Variants in JAZF1 observed in about 807,000 individuals in gnomAD.
JAZF1 encodes JAZF zinc finger 1.
JAZF1 carries 8 observed loss-of-function variants against 26.4 expected under a neutral mutation model. The ratio of observed to expected loss-of-function variants is 0.30; its 90% CI spans 0.18 to 0.55. The LOEUF is 0.55. Among genes scored for constraint, JAZF1 ranks in the 20% least tolerant of loss-of-function variants. The pLI is 0.94. For synonymous variants in JAZF1, 126 were observed against 122.3 expected (o/e 1.03, Z -0.20); for missense variants, 199 against 322.0 (o/e 0.62, Z 2.92).
chr7:28,069,250 T>C (rs763977543), intron 1 of JAZF1, among the ~76,000 whole-genome samples: 2 of 152,232 alleles, frequency 1.3e-5, no homozygotes, highest in African/African-American at 2.4e-5. Flanking sequence ...CTCTCCAATT[T>C]AGTGAGAACT....
intron 3 of JAZF1, among the ~76,000 whole-genome samples, chr7:27,859,550 T>G (rs569715951): frequency 6.6e-6 from 1 of 152,106 alleles, no homozygotes. Flanking sequence ...TAAAATAGGA[T>G]GAGGTCATGT....
intron 1 of JAZF1, among the ~76,000 whole-genome samples, chr7:28,155,283 G>A (rs1783165259): frequency 6.6e-6 from 1 of 152,198 alleles, no homozygotes; most frequent in Non-Finnish European, 1.5e-5. Flanking sequence ...AATATGAGGA[G>A]AACTCATTTT....
At chr7:27,905,185 A>G (rs1049498646) in intron 2 of JAZF1, among the ~76,000 whole-genome samples, 4 of 152,112 alleles carry the variant, frequency 2.6e-5, no homozygotes, top group Admixed American at 2.0e-4. Flanking sequence ...GCTTGTCTCT[A>G]TCTCCTGGGC....
intron 2 of JAZF1, among the ~76,000 whole-genome samples, chr7:27,948,027 T>TG (rs1784945818): frequency 6.6e-6 from 1 of 152,028 alleles, no homozygotes; most frequent in Admixed American, 6.6e-5. Context: ...AAACAAGACG[T>TG]GGGGGCAAAG....
intron 3 of JAZF1, among the ~76,000 whole-genome samples, chr7:27,884,743 C>T (rs541950896): frequency 6.6e-6 from 1 of 152,298 alleles, no homozygotes; most frequent in African/African-American, 2.4e-5. Context: ...ACAGTTTACC[C>T]ATTTATCTGT....
chr7:28,170,348 TGTGTGTGTGTG>T (rs1783439416), intron 1 of JAZF1, among the ~76,000 whole-genome samples: 1 of 7,118 alleles, frequency 1.4e-4, no homozygotes, highest in Admixed American at 1.1e-3. Flanking sequence ...TGTGTGTGTG[TGTGTGTGTGTG>T]TGTGTGTGTG....
At chr7:28,061,350 A>G (rs193295881) in intron 1 of JAZF1, among the ~76,000 whole-genome samples, 1 of 152,364 alleles carries the variant, frequency 6.6e-6, no homozygotes, top group East Asian at 1.9e-4. Flanking sequence ...AATTTTATAT[A>G]AACATTTCTG....
chr7:27,855,668 A>C (rs1433164346), intron 3 of JAZF1, among the ~76,000 whole-genome samples: 2 of 152,220 alleles, frequency 1.3e-5, no homozygotes, highest in Non-Finnish European at 2.9e-5. Context: ...ACCAGGAAGA[A>C]GTCGAATCCC....
intron 4 of JAZF1, among the ~76,000 whole-genome samples, chr7:27,834,432 T>C (rs1782767132): frequency 6.6e-6 from 1 of 152,058 alleles, no homozygotes; most frequent in African/African-American, 2.4e-5. Context: ...ATGCTCAGAG[T>C]CTGAAGGTTG....
chr7:28,005,031 T>A (rs1409838331), intron 1 of JAZF1, among the ~76,000 whole-genome samples: 1 of 152,186 alleles, frequency 6.6e-6, no homozygotes, highest in Non-Finnish European at 1.5e-5. Flanking sequence ...AGTATTAAGC[T>A]TAGTAATTAT....
intron 2 of JAZF1, among the ~76,000 whole-genome samples, chr7:27,982,525 C>T (rs1785606470): frequency 6.6e-6 from 1 of 152,230 alleles, no homozygotes; most frequent in African/African-American, 2.4e-5. Context: ...ACTCTGGGGA[C>T]AGGGCATAGC....
At position 28,180,523 on chromosome 7, in the gene JAZF1, A is replaced by C; in HGVS notation, c.55T>G (p.Cys19Gly). 2 of 1,610,434 alleles carry C rather than the reference A, an allele frequency of 1.2e-6. No individual in the cohort carries two copies. Among genetic ancestry groups the C allele is most frequent in the Non-Finnish European group, 1.7e-6 (2 of 1,178,758 alleles). Residue 19 changes from cysteine (C) to glycine (G), a missense_variant, in exon 1 of 5, where the codon TGC becomes GGC. Cys to Gly is a radical substitution (Grantham distance 159). Coordinates refer to ENST00000283928, the MANE Select transcript of JAZF1 (RefSeq NM_175061.4). The part of the protein sequence containing the change: ...FFSNTCRFGG[C>G]GLHFPTLADL... The stretch of plus-strand genomic sequence containing the variant: ...GCCAGGGTGGGGAAGTGGAGTCCGC[A>C]GCCCCCGAATCGGCAGGTATTGGAG...
chr7:28,067,535 C>T (rs1343069979), intron 1 of JAZF1, among the ~76,000 whole-genome samples: 2 of 152,166 alleles, frequency 1.3e-5, no homozygotes, highest in Admixed American at 6.5e-5. Context: ...CAGGCTACAC[C>T]AGGCTTTAGG....
At chr7:28,079,153 C>T (rs1364092455) in intron 1 of JAZF1, among the ~76,000 whole-genome samples, 1 of 152,054 alleles carries the variant, frequency 6.6e-6, no homozygotes, top group Non-Finnish European at 1.5e-5. Context: ...CCATGCCAGG[C>T]TAATTTTTAA....
intron 1 of JAZF1, among the ~76,000 whole-genome samples, chr7:28,125,380 A>T (rs1478846519): frequency 6.6e-6 from 1 of 152,226 alleles, no homozygotes; most frequent in African/African-American, 2.4e-5. Context: ...CCGAGGGGGA[A>T]AAAGTGCAGC....
Position 27,831,265 on chromosome 7 carries a change from A to ATGTC in JAZF1, c.*1531_*1534dup. 4.4e-6 allele frequency: 1 copy of ATGTC among 225,724 alleles called. No individual in the cohort carries two copies. Among genetic ancestry groups the ATGTC allele is most frequent in the South Asian group, 1.8e-4 (1 of 5,452 alleles). 14.0% of individuals were successfully genotyped at this position (225,724 alleles called of 1,614,324 possible). A position where few individuals can be genotyped will look rare whatever the true frequency, so the allele number is the denominator to read the frequency against. On this transcript the variant is annotated 3_prime_UTR_variant, in exon 5 of 5. Coordinates refer to ENST00000283928, the MANE Select transcript of JAZF1 (RefSeq NM_175061.4). Reference sequence around the variant, plus strand: ...CAAACAGAACTGTCATCCTTTCAAAATGTCTGAAAATTGAGGAGGGACCCC... The same window carrying ATGTC: ...CAAACAGAACTGTCATCCTTTCAAAATGTCTGTCTGAAAATTGAGGAGGGACCCC...
chr7:28,087,010 A>T (rs555070019), intron 1 of JAZF1, among the ~76,000 whole-genome samples: 3 of 152,232 alleles, frequency 2.0e-5, no homozygotes, highest in African/African-American at 7.2e-5. Context: ...TTTACTCTGT[A>T]ACTCATACTA....
At chr7:28,133,489 A>C (rs1173056424) in intron 1 of JAZF1, among the ~76,000 whole-genome samples, 1 of 152,220 alleles carries the variant, frequency 6.6e-6, no homozygotes, top group Non-Finnish European at 1.5e-5. Flanking sequence ...CCAGGAAAGA[A>C]AACAAATGTT....
intron 4 of JAZF1, among the ~76,000 whole-genome samples, chr7:27,839,009 G>A (rs1003423999): frequency 6.6e-6 from 1 of 152,154 alleles, no homozygotes; most frequent in Non-Finnish European, 1.5e-5. Context: ...GAGAACGGAA[G>A]GGGGAAACTG....
Sources: allele counts gnomAD v4.1 joint callset (sites outside exome capture counted in the v4.1 genomes callset), GRCh38; gene constraint gnomAD v4.1.1; transcripts MANE v1.5; gene names NCBI Gene and HGNC (gene_info 2026-07-23, HGNC 2026-07-21).